Variants in CACNA2D4 observed in about 807,000 individuals in gnomAD.
CACNA2D4 encodes the protein voltage-dependent calcium channel subunit alpha-2/delta-4.
A neutral mutation model predicts 163.8 loss-of-function variants in CACNA2D4; 157 were observed. That is an observed-to-expected ratio of 0.96 (90% confidence interval 0.84 to 1.09). The LOEUF is 1.09. CACNA2D4 is among the 50% of genes least tolerant of loss of function. The pLI is 0.00. For missense variants in CACNA2D4, 1,410 were observed against 1,479.9 expected (o/e 0.95, Z 0.78); for synonymous variants, 598 against 586.9 (o/e 1.02, Z -0.27).
intron 23 of CACNA2D4, among the ~76,000 whole-genome samples, chr12:1,848,762 A>AATTATTATT (rs146412961): frequency 0.68 from 100,267 of 147,114 alleles, 35,584 homozygotes; most frequent in Non-Finnish European, 0.78. Flanking sequence ...AACCCATTGC[A>AATTATTATT]ATTATTATTA....
chr12:1,902,967 C>A (rs1866570804), intron 6 of CACNA2D4, among the ~76,000 whole-genome samples: 1 of 152,022 alleles, frequency 6.6e-6, no homozygotes, highest in African/African-American at 2.4e-5. Context: ...TCAAATTATG[C>A]TACAGAGCTA....
rs867825893 is a variant in CACNA2D4, at chr12:1,917,469, C to T, written c.227+778G>A. Among the ~76,000 whole-genome samples the T allele has an allele frequency of 4.6e-5, 7 of 152,120 alleles. No homozygotes were observed. Among genetic ancestry groups the T allele is most frequent in the Non-Finnish European group, 8.8e-5 (6 of 68,012 alleles). ...GCCTGGCTATGGTGCTGGGCTCAAG[C>T]GGCTGGAGTAAACAGGATGGGGTCT... is the stretch of plus-strand genomic sequence containing the variant. On this transcript the variant is annotated intron_variant, in intron 1 of 37. Coordinates refer to ENST00000382722, the MANE Select transcript of CACNA2D4 (RefSeq NM_172364.5). The surrounding 1 kb of genome is among the most constrained non-coding windows in gnomAD (Gnocchi z 4.3).
At chr12:1,821,168 C>T (rs1288361764) in intron 26 of CACNA2D4, among the ~76,000 whole-genome samples, 1 of 152,168 alleles carries the variant, frequency 6.6e-6, no homozygotes, top group East Asian at 1.9e-4. Flanking sequence ...GTCGTTGTGC[C>T]CGGCTCTGCA....
chr12:1,846,427 A>G (rs1184613314), intron 24 of CACNA2D4, among the ~76,000 whole-genome samples, 167 bp downstream of exon 24: 1 of 151,550 alleles, frequency 6.6e-6, no homozygotes, highest in Non-Finnish European at 1.5e-5. Flanking sequence ...TGCCTTTCCC[A>G]CTGCCCCAAT....
At chr12:1,815,679 G>A (rs1482727040) in intron 26 of CACNA2D4, among the ~76,000 whole-genome samples, 2 of 144,180 alleles carry the variant, frequency 1.4e-5, no homozygotes, top group South Asian at 2.1e-4. Flanking sequence ...GCCACTTGAC[G>A]GGGAAGCCGA....
At chr12:1,860,229 A>G (rs1565715325) in intron 18 of CACNA2D4, 23 bp from the exon 19 acceptor site, 7 of 1,604,936 alleles carry the variant, frequency 4.4e-6, no homozygotes, top group Non-Finnish European at 6.0e-6. Context: ...ACAAGGAAAG[A>G]GTGCTCACGC....
chr12:1,879,629 A>C (rs1592729730), intron 14 of CACNA2D4, among the ~76,000 whole-genome samples, 175 bp downstream of exon 14: 1 of 152,126 alleles, frequency 6.6e-6, no homozygotes, highest in Non-Finnish European at 1.5e-5. Flanking sequence ...CCACCAGCCC[A>C]CCTCCAACCA....
rs931641941 is a variant in CACNA2D4 at position 1,869,850 on chromosome 12, T to G, written c.1878+4754A>C. On this transcript the variant is annotated intron_variant, in intron 18 of 37. Transcript: ENST00000382722. This position sits in a 1 kb window ranked among gnomAD's most constrained non-coding sequence, Gnocchi z 4.7. ...TCTTTTCCTTTACACAGTTACAATG[T>G]CTGCACTAAAGTCATTCTAATTCTA... Among the ~76,000 whole-genome samples, 2 of 152,252 alleles carry G rather than the reference T, an allele frequency of 1.3e-5. No individual in the cohort carries two copies. Among genetic ancestry groups the G allele is most frequent in the Non-Finnish European group, 2.9e-5 (2 of 68,042 alleles).
Position 1,878,356 on chromosome 12 carries a change from T to G in CACNA2D4, c.1678A>C (p.Asn560His). ...GGATGGGAGAGGATGTAGCCATTGT[T>G]GGTGTTCAGAAAGGCGTATCCGTGC... is the stretch of plus-strand genomic sequence containing the variant. ...GVHGYAFLNT[N>H]NGYILSHPDL... is the part of the protein sequence containing the mutation. The change falls in exon 16 of 38, where the codon AAC (asparagine) becomes CAC (histidine). Residue 560 changes from asparagine (N) to histidine (H), a missense_variant. Physicochemically the swap from Asn to His is moderately conservative, Grantham distance 68. Transcript: ENST00000382722. The surrounding 1 kb of genome is among the most constrained non-coding windows in gnomAD (Gnocchi z 4.6). 6.2e-7 allele frequency: 1 copy of G among 1,609,234 alleles called. No homozygotes were observed. Among genetic ancestry groups the G allele is most frequent in the Non-Finnish European group, 8.5e-7 (1 of 1,178,048 alleles).
Position 1,843,696 on chromosome 12 carries a change from T to C in CACNA2D4, c.2470+706A>G, listed in dbSNP as rs1019197115. Among the ~76,000 whole-genome samples, 6 of 152,206 alleles carry C rather than the reference T, an allele frequency of 3.9e-5. No homozygotes were observed. Among genetic ancestry groups the C allele is most frequent in the Non-Finnish European group, 8.8e-5 (6 of 68,034 alleles). ...AGCCTCTGCAGGATTTTTCCGGTGC[T>C]CTGTTAGAGTCACTTAATTTTTCTT... On this transcript the variant is annotated intron_variant, in intron 25 of 37. Transcript: ENST00000382722. This position sits in a 1 kb window ranked among gnomAD's most constrained non-coding sequence, Gnocchi z 4.6.
intron 25 of CACNA2D4, among the ~76,000 whole-genome samples, chr12:1,842,179 G>A (rs936327292): frequency 3.3e-5 from 5 of 152,226 alleles, no homozygotes; most frequent in Admixed American, 2.0e-4. Flanking sequence ...ACCTGGCCCA[G>A]CACCTGGTGG....
At position 1,799,058 on chromosome 12, in the gene CACNA2D4, G is replaced by T. The variant is rs1447260510; in HGVS notation, c.2995+617C>A. Among the ~76,000 whole-genome samples the T allele has an allele frequency of 6.6e-6, 1 of 152,210 alleles. No individual in the cohort carries two copies. The highest frequency in any genetic ancestry group is 1.9e-4 in the East Asian group (1 of 5,176). Reference sequence around the variant, plus strand: ...GGAAGTTCTGGAACCCCATGGCAAAGGTTCTAGGAACACGGAGGAACTGAG... The same window carrying T: ...GGAAGTTCTGGAACCCCATGGCAAATGTTCTAGGAACACGGAGGAACTGAG... On this transcript the variant is annotated intron_variant, in intron 34 of 37. Transcript: ENST00000382722. This position sits in a 1 kb window ranked among gnomAD's most constrained non-coding sequence, Gnocchi z 4.7.
At chr12:1,800,077 G>A (rs151123177) in intron 32 of CACNA2D4, 25 bp from the exon 33 acceptor site, 41,414 of 1,582,544 alleles carry the variant, frequency 0.026, 712 homozygotes, top group Middle Eastern at 0.036. Flanking sequence ...ACTGAATCTC[G>A]GAGACCTCTG....
chr12:1,907,697 CCTGGTGGGCGTGT>C (rs1866694131), intron 5 of CACNA2D4, 126 bp from the exon 6 acceptor site: 6 of 1,183,308 alleles, frequency 5.1e-6, no homozygotes, highest in Admixed American at 2.0e-5. Context: ...GGTGGGTGTG[CCTGGTGGGCGTGT>C]CTGGTGGACG....
intron 9 of CACNA2D4, among the ~76,000 whole-genome samples, chr12:1,885,679 A>G (rs183460957): frequency 1.2e-3 from 184 of 152,326 alleles, no homozygotes; most frequent in Non-Finnish European, 2.1e-3. Context: ...TGGGAGGCAA[A>G]AGGGGAAATT....
Position 1,868,380 on chromosome 12 carries a change from C to T in CACNA2D4, c.1878+6224G>A, listed in dbSNP as rs113109851. Among the ~76,000 whole-genome samples the T allele has an allele frequency of 4.2e-3, 637 of 152,136 alleles. 4 individuals carry two copies. Among genetic ancestry groups the T allele is most frequent in the African/African-American group, 0.015 (602 of 41,482 alleles). On this transcript the variant is annotated intron_variant, in intron 18 of 37. Coordinates refer to ENST00000382722, the MANE Select transcript of CACNA2D4 (RefSeq NM_172364.5). ...CACAGAAAAAAATGCTGCGTGATCT[C>T]ACTTATATGTGGAATCTAAAATAAA...
At chr12:1,830,402 C>T (rs1302193645) in intron 26 of CACNA2D4, among the ~76,000 whole-genome samples, 3 of 152,234 alleles carry the variant, frequency 2.0e-5, no homozygotes, top group Non-Finnish European at 4.4e-5. Context: ...CCTTTCCATA[C>T]ACAGCTCCAG....
intron 19 of CACNA2D4, among the ~76,000 whole-genome samples, chr12:1,859,200 T>C (rs750060075): frequency 6.6e-6 from 1 of 152,000 alleles, no homozygotes; most frequent in Non-Finnish European, 1.5e-5. Flanking sequence ...TTTTTTTTAA[T>C]CAAAAAATTA....
rs1565692182 is a variant in CACNA2D4, at chr12:1,828,115, G to A, written c.2551+12624C>T. On this transcript the variant is annotated intron_variant, in intron 26 of 37. Coordinates refer to ENST00000382722, the MANE Select transcript of CACNA2D4 (RefSeq NM_172364.5). The surrounding 1 kb of genome is among the most constrained non-coding windows in gnomAD (Gnocchi z 4.2). ...GCACCCAGGGGCTCCTCTCTCCCCA[G>A]AGCGACAGGGCCCGGAGAGCCGTGG... 6.6e-7 allele frequency: 1 copy of A among 1,504,232 alleles called. No homozygotes were observed. Among genetic ancestry groups the A allele is most frequent in the East Asian group, 2.5e-5 (1 of 39,680 alleles). The allele number at this position is 1,504,232 out of a possible 1,614,324, so 93.2% of individuals were successfully genotyped here.
Sources: allele counts gnomAD v4.1 joint callset (sites outside exome capture counted in the v4.1 genomes callset), GRCh38; gene constraint gnomAD v4.1.1; non-coding constraint Gnocchi (gnomAD v3.1); transcripts MANE v1.5; gene names NCBI Gene and HGNC (gene_info 2026-07-23, HGNC 2026-07-21).